GABBR2: variants seen among roughly 807,000 people sequenced by gnomAD.
GABBR2 encodes the protein G-protein coupled receptor 51.
GABBR2 carries 23 observed loss-of-function variants against 105.6 expected under a neutral mutation model. The observed-to-expected ratio is 0.22, with a 90% confidence interval of 0.16 to 0.31. The LOEUF (loss-of-function observed/expected upper bound fraction) is 0.31, where lower values mean the gene tolerates loss of function less well. GABBR2 is among the 10% of genes least tolerant of loss of function. GABBR2 has a pLI of 1.00. For synonymous variants in GABBR2, 478 were observed against 499.7 expected (o/e 0.96, Z 0.58); for missense variants, 734 against 1,245.5 (o/e 0.59, Z 6.18).
intron 1 of GABBR2, among the ~76,000 whole-genome samples, chr9:98,631,215 C>G (rs1829812461): frequency 6.6e-6 from 1 of 152,156 alleles, no homozygotes; most frequent in African/African-American, 2.4e-5. Context: ...TGTGTCTATA[C>G]ACTTAAGAAA....
Position 98,289,316 on chromosome 9 carries a change from G to A in GABBR2, c.*1268C>T, listed in dbSNP as rs1830250010. Reference sequence around the variant, plus strand: ...GTTACAGAGGGGAAACTGAGGCTCAGAGAGACACTAGTGACCTGATCAAAG... The same window carrying A: ...GTTACAGAGGGGAAACTGAGGCTCAAAGAGACACTAGTGACCTGATCAAAG... On this transcript the variant is annotated 3_prime_UTR_variant, in exon 19 of 19. Transcript: ENST00000259455. The A allele has an allele frequency of 6.6e-6, 1 of 152,462 alleles. No individual in the cohort carries two copies. Among genetic ancestry groups the A allele is most frequent in the Non-Finnish European group, 1.5e-5 (1 of 68,160 alleles). 9.4% of individuals were successfully genotyped at this position (152,462 alleles called of 1,614,324 possible). A position where few individuals can be genotyped will look rare whatever the true frequency, so the allele number is the denominator to read the frequency against.
intron 13 of GABBR2, among the ~76,000 whole-genome samples, chr9:98,349,349 G>GTTTTTTTTT (rs1182072320): frequency 5.4e-4 from 13 of 24,206 alleles, no homozygotes; most frequent in Non-Finnish European, 8.9e-4. Flanking sequence ...TTGAAGTTTT[G>GTTTTTTTTT]TTTTTTTTTT....
intron 12 of GABBR2, among the ~76,000 whole-genome samples, chr9:98,363,121 C>A (rs1264949484): frequency 2.0e-5 from 3 of 152,200 alleles, no homozygotes; most frequent in Non-Finnish European, 2.9e-5. Context: ...CCCTCCAGGT[C>A]TCTGTAGGTG....
chr9:98,474,345 T>C (rs536052108), intron 5 of GABBR2, among the ~76,000 whole-genome samples: 1 of 152,264 alleles, frequency 6.6e-6, no homozygotes, highest in African/African-American at 2.4e-5. Context: ...GTCATTATTT[T>C]ATATCAGGAA....
Position 98,410,457 on chromosome 9 carries a change from C to T in GABBR2, c.1237-4316G>A, listed in dbSNP as rs189538661. Among the ~76,000 whole-genome samples, 166 of 148,860 alleles carry T rather than the reference C, an allele frequency of 1.1e-3. 1 individual carries two copies. Among genetic ancestry groups the T allele is most frequent in the Non-Finnish European group, 1.7e-3 (114 of 67,314 alleles). On this transcript the variant is annotated intron_variant, in intron 7 of 18. Coordinates refer to ENST00000259455, the MANE Select transcript of GABBR2 (RefSeq NM_005458.8). ...GCCAGCTGGTTTCCATTTAGGGAAGCGGTCATGGGAGATTAGAAAGAACGC... is the reference window on the plus strand; with the variant it reads ...GCCAGCTGGTTTCCATTTAGGGAAGTGGTCATGGGAGATTAGAAAGAACGC...
intron 2 of GABBR2, among the ~76,000 whole-genome samples, chr9:98,560,780 G>GTA (rs1828662779): frequency 3.4e-5 from 1 of 29,652 alleles, no homozygotes; most frequent in Non-Finnish European, 1.0e-4. Flanking sequence ...CTATATAGTA[G>GTA]TGTATATATA....
intron 4 of GABBR2, among the ~76,000 whole-genome samples, chr9:98,495,087 G>A (rs185987356): frequency 1.3e-5 from 2 of 152,160 alleles, no homozygotes; most frequent in Non-Finnish European, 1.5e-5. Context: ...GACACTGCAG[G>A]GGGGAGACCT....
At chr9:98,404,288 C>T (rs1222756897) in intron 8 of GABBR2, among the ~76,000 whole-genome samples, 1 of 151,960 alleles carries the variant, frequency 6.6e-6, no homozygotes, top group South Asian at 2.1e-4. Context: ...AAAATAATTA[C>T]GTTTGCCTAA....
At position 98,443,627 on chromosome 9, in the gene GABBR2, C is replaced by T. The variant is rs924295291; in HGVS notation, c.1236+10354G>A. On this transcript the variant is annotated intron_variant, in intron 7 of 18. Transcript: ENST00000259455. ...TATGCACTGTGGGACCCCAACATAGCCACTTTGCCTTTCTGAGCTATAATT... is the reference window on the plus strand; with the variant it reads ...TATGCACTGTGGGACCCCAACATAGTCACTTTGCCTTTCTGAGCTATAATT... Among the ~76,000 whole-genome samples the T allele has an allele frequency of 2.0e-5, 3 of 152,186 alleles. No individual in the cohort carries two copies. The East Asian group carries it at 5.8e-4, about 29-fold the overall frequency.
intron 1 of GABBR2, among the ~76,000 whole-genome samples, chr9:98,630,865 C>G (rs1024203970): frequency 6.6e-6 from 1 of 152,188 alleles, no homozygotes; most frequent in Non-Finnish European, 1.5e-5. Context: ...CCACAGGTCA[C>G]TATTATTTAA....
At chr9:98,486,012 G>A (rs1295569017) in intron 4 of GABBR2, among the ~76,000 whole-genome samples, 1 of 152,212 alleles carries the variant, frequency 6.6e-6, no homozygotes, top group Non-Finnish European at 1.5e-5. Context: ...GGAGACCCCT[G>A]TGGGGCCAGG....
intron 6 of GABBR2, among the ~76,000 whole-genome samples, chr9:98,458,912 T>C (rs1156293129): frequency 6.6e-6 from 1 of 152,196 alleles, no homozygotes; most frequent in East Asian, 1.9e-4. Flanking sequence ...CTTCCAGGTG[T>C]TTGCTGAGTT....
intron 13 of GABBR2, among the ~76,000 whole-genome samples, chr9:98,353,965 A>G (rs1373335459): frequency 6.6e-6 from 1 of 152,182 alleles, no homozygotes; most frequent in Non-Finnish European, 1.5e-5. Context: ...TTCTGCTATG[A>G]TTGAAAGTTT....
intron 7 of GABBR2, among the ~76,000 whole-genome samples, chr9:98,445,529 C>T (rs551172753): frequency 4.3e-4 from 65 of 152,318 alleles, no homozygotes; most frequent in African/African-American, 1.5e-3. Flanking sequence ...AATTTGTTAA[C>T]GACGTGTTCT....
chr9:98,396,675 G>A (rs1832297165), intron 8 of GABBR2, among the ~76,000 whole-genome samples: 2 of 152,190 alleles, frequency 1.3e-5, no homozygotes, highest in Non-Finnish European at 2.9e-5. Context: ...ATCAGGTCCT[G>A]CTGCTCAGAG....
rs759924961 is a variant in GABBR2 at position 98,454,257 on chromosome 9, C to CA, written c.1000-41_1000-40insT. On this transcript the variant is annotated intron_variant, in intron 6 of 18. Coordinates refer to ENST00000259455, the MANE Select transcript of GABBR2 (RefSeq NM_005458.8). This position sits in a 1 kb window ranked among gnomAD's most constrained non-coding sequence, Gnocchi z 4.6. ...GATTGGGGGAATCCCAAGTTATACT[C>CA]GGCAGGGACATCAGGTGCCTGATGC... 2.9e-6 allele frequency: 4 copies of CA among 1,392,370 alleles called. No homozygotes were observed. The South Asian group carries it at 4.6e-5, about 16-fold the overall frequency. The allele number at this position is 1,392,370 out of a possible 1,614,324, so 86.3% of individuals were successfully genotyped here. A position where few individuals can be genotyped will look rare whatever the true frequency, so the allele number is the denominator to read the frequency against.
At chr9:98,386,469 C>T in intron 10 of GABBR2, among the ~76,000 whole-genome samples, 1 of 152,288 alleles carries the variant, frequency 6.6e-6, no homozygotes, top group Admixed American at 6.5e-5. Flanking sequence ...AGGGAGACAC[C>T]AGAGTCCGCA....
intron 4 of GABBR2, among the ~76,000 whole-genome samples, chr9:98,492,349 T>TTAAAAAA (rs752135873): frequency 3.4e-5 from 1 of 29,218 alleles, no homozygotes; most frequent in Non-Finnish European, 8.6e-5. Context: ...TGTTTCCTAG[T>TTAAAAAA]AAAAAAAAAA....
intron 13 of GABBR2, among the ~76,000 whole-genome samples, chr9:98,317,792 C>T (rs928990852): frequency 6.6e-6 from 1 of 152,168 alleles, no homozygotes; most frequent in Non-Finnish European, 1.5e-5. Flanking sequence ...AGGGTACATT[C>T]CAGTGGAACG....
Sources: gnomAD v4.1 joint callset for allele counts (sites outside exome capture counted in the v4.1 genomes callset) on GRCh38, gnomAD v4.1.1 for gene constraint, Gnocchi (gnomAD v3.1) non-coding constraint, MANE v1.5 for transcripts, NCBI Gene and HGNC (gene_info 2026-07-23, HGNC 2026-07-21) for gene names.